The following ST8SIA4 variants were observed in gnomAD, a reference collection of about 807,000 sequenced individuals.
ST8SIA4 encodes the protein ST8 alpha-N-acetyl-neuraminide alpha-2,8-sialyltransferase 4.
ST8SIA4 carries 15 observed loss-of-function variants against 33.9 expected under a neutral mutation model. That is an observed-to-expected ratio of 0.44 (90% CI 0.30 to 0.68). The LOEUF is 0.68. ST8SIA4 is among the 30% of genes least tolerant of loss of function. The pLI is 0.10. For missense variants in ST8SIA4, 321 were observed against 428.0 expected (o/e 0.75, Z 2.21); for synonymous variants, 171 against 151.2 (o/e 1.13, Z -0.96).
chr5:100,882,422 G>C (rs753102599), intron 3 of ST8SIA4, among the ~76,000 whole-genome samples: 1 of 152,214 alleles, frequency 6.6e-6, no homozygotes, highest in African/African-American at 2.4e-5. Flanking sequence ...AAGGCACTCA[G>C]TTTTAGAAGA....
chr5:100,819,635 C>G (rs977186667), intron 4 of ST8SIA4, among the ~76,000 whole-genome samples: 1 of 152,144 alleles, frequency 6.6e-6, no homozygotes, highest in Non-Finnish European at 1.5e-5. Context: ...AATATTCCTC[C>G]TGGCCTGTAG....
chr5:100,899,491 A>G (rs1361098026), intron 1 of ST8SIA4, among the ~76,000 whole-genome samples: 2 of 152,216 alleles, frequency 1.3e-5, no homozygotes, highest in African/African-American at 2.4e-5. Context: ...TTTCAATTTT[A>G]TCATAGGTTT....
At chr5:100,822,223 A>G (rs2112404870) in intron 4 of ST8SIA4, among the ~76,000 whole-genome samples, 1 of 152,302 alleles carries the variant, frequency 6.6e-6, no homozygotes, top group South Asian at 2.1e-4. Context: ...GTCTATTCAA[A>G]CCATCGCTAA....
chr5:100,881,567 A>G (rs1355252021), intron 3 of ST8SIA4, among the ~76,000 whole-genome samples: 2 of 152,224 alleles, frequency 1.3e-5, no homozygotes, highest in Non-Finnish European at 2.9e-5. Flanking sequence ...CATGAAATCT[A>G]AAAGAAAGTA....
At chr5:100,849,813 A>G (rs1399087904) in intron 4 of ST8SIA4, among the ~76,000 whole-genome samples, 2 of 152,114 alleles carry the variant, frequency 1.3e-5, no homozygotes, top group East Asian at 3.8e-4. Flanking sequence ...AACCCAAAAA[A>G]CAAAAATAAA....
intron 4 of ST8SIA4, among the ~76,000 whole-genome samples, chr5:100,838,089 T>A (rs1372031692): frequency 6.6e-6 from 1 of 151,994 alleles, no homozygotes; most frequent in African/African-American, 2.4e-5. Flanking sequence ...GAATCAGGCT[T>A]GTTATCAGGA....
chr5:100,895,552 T>G, intron 2 of ST8SIA4, 102 bp downstream of exon 2: 2 of 1,108,904 alleles, frequency 1.8e-6, no homozygotes, highest in Non-Finnish European at 2.6e-6. Context: ...ATTTAAGTAT[T>G]CATACTTAAA....
At chr5:100,886,313 T>C in intron 3 of ST8SIA4, 30 bp downstream of exon 3, 1 of 1,593,588 alleles carries the variant, frequency 6.3e-7, no homozygotes, top group African/African-American at 1.3e-5. Context: ...TTGAAAAACT[T>C]ACAATCTCAA....
intron 4 of ST8SIA4, among the ~76,000 whole-genome samples, chr5:100,825,036 G>T (rs1345518197): frequency 2.0e-5 from 3 of 152,086 alleles, no homozygotes; most frequent in African/African-American, 7.2e-5. Flanking sequence ...ACTCCAGCCT[G>T]GGTGACAGTA....
chr5:100,826,835 G>A (rs1358798296), intron 4 of ST8SIA4, among the ~76,000 whole-genome samples: 2 of 151,578 alleles, frequency 1.3e-5, no homozygotes, highest in South Asian at 4.1e-4. Flanking sequence ...GTTATATGTT[G>A]TATATTATAT....
Position 100,811,697 on chromosome 5 carries a change from C to G in ST8SIA4, c.*150G>C, listed in dbSNP as rs942757682. 1.9e-5 allele frequency: 15 copies of G among 771,438 alleles called. No individual in the cohort carries two copies. The highest frequency in any genetic ancestry group is 3.5e-5 in the African/African-American group (2 of 56,876). 47.8% of individuals were successfully genotyped at this position (771,438 alleles called of 1,614,324 possible). The stretch of plus-strand genomic sequence containing the variant: ...TTAGAGCACTTTGCAGGTATTTCAT[C>G]AGCTGGTAGTCGATTTCTCATGAAC... On this transcript the variant is annotated 3_prime_UTR_variant, in exon 5 of 5. Transcript: ENST00000231461.
chr5:100,900,578 T>C (rs1752885859), intron 1 of ST8SIA4: 2 of 447,136 alleles, frequency 4.5e-6, no homozygotes, highest in East Asian at 7.0e-5. Context: ...GCATTGTTCC[T>C]GGCAGCTCCA....
At chr5:100,823,512 C>T (rs1393964314) in intron 4 of ST8SIA4, among the ~76,000 whole-genome samples, 2 of 152,180 alleles carry the variant, frequency 1.3e-5, no homozygotes, top group African/African-American at 4.8e-5. Flanking sequence ...ATGGGGTCTC[C>T]TTTCCAGTAA....
chr5:100,816,407 C>T (rs1208154079), intron 4 of ST8SIA4: 7 of 481,612 alleles, frequency 1.5e-5, no homozygotes, highest in African/African-American at 1.0e-4. Flanking sequence ...AAGGAGAGCT[C>T]ACATTCAATA....
chr5:100,901,677 G>A (rs1297720876), intron 1 of ST8SIA4, among the ~76,000 whole-genome samples: 1 of 152,006 alleles, frequency 6.6e-6, no homozygotes, highest in South Asian at 2.1e-4. Context: ...CTTCCAGTCC[G>A]CTTTGACTGT....
intron 4 of ST8SIA4, among the ~76,000 whole-genome samples, chr5:100,843,636 A>T (rs1373617886): frequency 6.6e-6 from 1 of 151,906 alleles, no homozygotes; most frequent in African/African-American, 2.4e-5. Context: ...TTTACACAAT[A>T]CAGAGCAATG....
At chr5:100,887,466 T>C (rs1171353604) in intron 2 of ST8SIA4, among the ~76,000 whole-genome samples, 1 of 152,078 alleles carries the variant, frequency 6.6e-6, no homozygotes, top group Non-Finnish European at 1.5e-5. Context: ...TAAAGAAATT[T>C]CCTACTTGTT....
Position 100,902,840 on chromosome 5 carries a change from T to C in ST8SIA4, c.113+3A>G. The C allele has an allele frequency of 3.1e-6, 5 of 1,610,794 alleles. No homozygotes were observed. Among genetic ancestry groups the C allele is most frequent in the Non-Finnish European group, 4.2e-6 (5 of 1,176,878 alleles). On this transcript the variant is annotated splice_donor_region_variant and intron_variant, in intron 1 of 4. Coordinates refer to ENST00000231461, the MANE Select transcript of ST8SIA4 (RefSeq NM_005668.6). ...ATATCCTGAAATGAAGCTTTGCATT[T>C]ACCCGATGAGTTGCGTCTCCTGGTG...
intron 4 of ST8SIA4, among the ~76,000 whole-genome samples, chr5:100,846,700 A>G (rs1197007847): frequency 3.3e-5 from 5 of 152,024 alleles, no homozygotes; most frequent in African/African-American, 4.8e-5. Context: ...AAATTTGCCA[A>G]TGTTACAGGG....
Sources: allele counts gnomAD v4.1 joint callset (sites outside exome capture counted in the v4.1 genomes callset), GRCh38; gene constraint gnomAD v4.1.1; transcripts MANE v1.5; gene names NCBI Gene and HGNC (gene_info 2026-07-23, HGNC 2026-07-21).